The following DPP6 variants were observed in gnomAD, a reference collection of about 807,000 sequenced individuals.
DPP6 encodes A-type potassium channel modulatory protein DPP6.
Under a neutral mutation model 122.6 loss-of-function variants are expected in DPP6, and 69 were observed. The observed-to-expected ratio is 0.56, with a 90% CI of 0.46 to 0.69. The LOEUF is 0.69. DPP6 is among the 30% of genes least tolerant of loss of function. The pLI is 0.00. For missense variants in DPP6, 928 were observed against 1,116.9 expected (o/e 0.83, Z 2.41); for synonymous variants, 418 against 433.1 (o/e 0.97, Z 0.43).
chr7:154,869,156 G>A (rs182299454), intron 18 of DPP6, among the ~76,000 whole-genome samples: 149 of 152,268 alleles, frequency 9.8e-4, no homozygotes, highest in African/African-American at 3.3e-3. Flanking sequence ...CACACCTTGC[G>A]TTTGCCATCC....
intron 16 of DPP6, among the ~76,000 whole-genome samples, chr7:154,825,445 G>C (rs895660481): frequency 6.6e-6 from 1 of 152,192 alleles, no homozygotes; most frequent in Non-Finnish European, 1.5e-5. Flanking sequence ...CCAAGAAAAG[G>C]GATATTTGTC....
At chr7:154,824,636 A>G (rs1334413692) in intron 16 of DPP6, among the ~76,000 whole-genome samples, 2 of 152,238 alleles carry the variant, frequency 1.3e-5, no homozygotes, top group Non-Finnish European at 2.9e-5. Flanking sequence ...AGTATCTACT[A>G]GCTCCTAACA....
intron 8 of DPP6, among the ~76,000 whole-genome samples, chr7:154,731,755 G>C (rs1002466640): frequency 1.3e-5 from 2 of 152,190 alleles, no homozygotes; most frequent in African/African-American, 2.4e-5. Flanking sequence ...CAGCTTAATA[G>C]AGTCCTACAA....
chr7:153,995,416 C>G (rs146665823), intron 1 of DPP6, among the ~76,000 whole-genome samples: 1,658 of 152,078 alleles, frequency 0.011, 13 homozygotes, highest in Middle Eastern at 0.044. Flanking sequence ...GAAACCCCGT[C>G]TCTACTAAAA....
chr7:154,185,300 C>T (rs1310223003), intron 1 of DPP6, among the ~76,000 whole-genome samples: 1 of 152,174 alleles, frequency 6.6e-6, no homozygotes, highest in East Asian at 1.9e-4. Context: ...AATAGTAAAA[C>T]CTCTTGGGAA....
intron 8 of DPP6, among the ~76,000 whole-genome samples, chr7:154,731,636 A>T (rs1842345150): frequency 6.6e-6 from 1 of 152,248 alleles, no homozygotes; most frequent in South Asian, 2.1e-4. Context: ...CCTGTGGCTC[A>T]TGGTGGCCAC....
intron 1 of DPP6, among the ~76,000 whole-genome samples, chr7:154,234,621 C>T (rs774792982): frequency 2.6e-5 from 4 of 152,126 alleles, no homozygotes; most frequent in Non-Finnish European, 4.4e-5. Context: ...ACCCAACACA[C>T]ACACAGACAC....
intron 7 of DPP6, among the ~76,000 whole-genome samples, chr7:154,719,379 G>A (rs28508126): frequency 0.037 from 5,675 of 151,538 alleles, 322 homozygotes; most frequent in African/African-American, 0.13. Context: ...GAAGTAATGT[G>A]GCCACGGGGG....
intron 1 of DPP6, among the ~76,000 whole-genome samples, chr7:153,954,407 C>T (rs1041698907): frequency 7.2e-5 from 11 of 152,176 alleles, no homozygotes; most frequent in African/African-American, 2.7e-4. Flanking sequence ...TCATACTTTA[C>T]ATTTGAAGGA....
intron 1 of DPP6, among the ~76,000 whole-genome samples, chr7:154,350,294 A>C (rs1348873393): frequency 1.3e-5 from 2 of 152,168 alleles, no homozygotes. Context: ...ATTTTCAGTG[A>C]CATGGGGAGG....
At chr7:154,878,045 C>A (rs1232813730) in intron 20 of DPP6, among the ~76,000 whole-genome samples, 1 of 152,198 alleles carries the variant, frequency 6.6e-6, no homozygotes, top group Admixed American at 6.5e-5. Context: ...CAGACCTCCT[C>A]CTTTGGGTCT....
intron 7 of DPP6, among the ~76,000 whole-genome samples, chr7:154,721,786 G>C (rs1348455962): frequency 6.6e-6 from 1 of 152,144 alleles, no homozygotes; most frequent in East Asian, 1.9e-4. Context: ...CAACAGATGT[G>C]ACTGAGCATT....
At chr7:154,735,953 C>A (rs10251330) in intron 8 of DPP6, among the ~76,000 whole-genome samples, 9,164 of 152,280 alleles carry the variant, frequency 0.06, 651 homozygotes, top group African/African-American at 0.17. Context: ...CCCACCAGAC[C>A]CTCCCCTGCC....
At position 154,043,361 on chromosome 7, in the gene DPP6, C is replaced by A. The variant is rs1441038180; in HGVS notation, c.51+155627C>A. ...TGAGCTGAGATCATGCCATTGCACT[C>A]CAGCCTGGGTAAAAAGAATGAAACT... is the stretch of plus-strand genomic sequence containing the variant. On this transcript the variant is annotated intron_variant, in intron 1 of 25. Coordinates refer to the DPP6 transcript ENST00000404039. Among the ~76,000 whole-genome samples, 4 of 111,528 alleles carry A rather than the reference C, an allele frequency of 3.6e-5. No homozygotes were observed. The Admixed American group carries it at 4.1e-4, about 11-fold the overall frequency. 73.2% of individuals were successfully genotyped at this position (111,528 alleles called of 152,430 possible). A position where few individuals can be genotyped will look rare whatever the true frequency, so the allele number is the denominator to read the frequency against.
At chr7:154,429,661 T>G (rs1280278464) in intron 1 of DPP6, among the ~76,000 whole-genome samples, 2 of 152,102 alleles carry the variant, frequency 1.3e-5, no homozygotes, top group Non-Finnish European at 2.9e-5. Context: ...CTGTCATGGT[T>G]GAATATGGAG....
At position 154,486,602 on chromosome 7, in the gene DPP6, A is replaced by G. The variant is rs1243004106; in HGVS notation, c.457+11565A>G. On this transcript the variant is annotated intron_variant, in intron 3 of 25. Coordinates refer to ENST00000377770, the MANE Select transcript of DPP6 (RefSeq NM_130797.4). This position sits in a 1 kb window ranked among gnomAD's most constrained non-coding sequence, Gnocchi z 4.5. ...AAAATACATTCTCTCTGATTTTCCAAATTAGAATTAGTTGTGTACTCCACG... is the reference window on the plus strand; with the variant it reads ...AAAATACATTCTCTCTGATTTTCCAGATTAGAATTAGTTGTGTACTCCACG... 6.6e-6 allele frequency among the ~76,000 whole-genome samples: 1 copy of G among 152,178 alleles called. No individual in the cohort carries two copies. Among genetic ancestry groups the G allele is most frequent in the Non-Finnish European group, 1.5e-5 (1 of 68,022 alleles).
intron 1 of DPP6, among the ~76,000 whole-genome samples, chr7:154,365,923 G>A (rs535136564): frequency 2.2e-4 from 29 of 133,730 alleles, no homozygotes; most frequent in South Asian, 2.4e-4. Flanking sequence ...GCGCCACTGC[G>A]TTCCAGCCTG....
At position 154,483,401 on chromosome 7, in the gene DPP6, T is replaced by TA. The variant is rs1554565236; in HGVS notation, c.457+8368dup. Among the ~76,000 whole-genome samples the TA allele has an allele frequency of 4.0e-5, 6 of 151,248 alleles. No homozygotes were observed. Among genetic ancestry groups the TA allele is most frequent in the Admixed American group, 6.6e-5 (1 of 15,202 alleles). On this transcript the variant is annotated intron_variant, in intron 3 of 25. Coordinates refer to ENST00000377770, the MANE Select transcript of DPP6 (RefSeq NM_130797.4). This position sits in a 1 kb window ranked among gnomAD's most constrained non-coding sequence, Gnocchi z 8.1. ...AGGCACAATACAATTTTTTTTTTTT[T>TA]AAAAGCATTTATTTGAGCAAACAGT...
chr7:154,327,462 G>T (rs1808545181), intron 1 of DPP6, among the ~76,000 whole-genome samples: 1 of 152,034 alleles, frequency 6.6e-6, no homozygotes, highest in South Asian at 2.1e-4. Context: ...TGCGAGTGAA[G>T]ATAAAGGTAA....
Sources: gnomAD v4.1 joint callset for allele counts (sites outside exome capture counted in the v4.1 genomes callset) on GRCh38, gnomAD v4.1.1 for gene constraint, Gnocchi (gnomAD v3.1) non-coding constraint, MANE v1.5 for transcripts, NCBI Gene and HGNC (gene_info 2026-07-23, HGNC 2026-07-21) for gene names.